The following ADGRL2 variants were observed in gnomAD, a reference collection of about 807,000 sequenced individuals.
ADGRL2 encodes the protein calcium-independent alpha-latrotoxin receptor 2.
A neutral mutation model predicts 157.4 loss-of-function variants in ADGRL2; 44 were observed. The ratio of observed to expected loss-of-function variants is 0.28; its 90% CI spans 0.22 to 0.36. The LOEUF is 0.36. Ranked by LOEUF, ADGRL2 falls within the 10% of genes least tolerant of loss-of-function variation. The pLI is 1.00. For missense variants in ADGRL2, 1,510 were observed against 1,768.9 expected, an observed-to-expected ratio of 0.85 and a Z score of 2.63; for synonymous variants, 585 against 624.7, an observed-to-expected ratio of 0.94 and a Z score of 0.95.
chr1:81,739,466 C>T (rs965271783), intron 1 of ADGRL2, among the ~76,000 whole-genome samples: 4 of 152,138 alleles, frequency 2.6e-5, no homozygotes, highest in African/African-American at 7.2e-5. Context: ...TCAGCTTACT[C>T]GAGAAAATGC....
intron 2 of ADGRL2, among the ~76,000 whole-genome samples, chr1:81,497,102 A>G (rs2078747028): frequency 6.6e-6 from 1 of 152,226 alleles, no homozygotes; most frequent in Non-Finnish European, 1.5e-5. Context: ...TGACTTATAT[A>G]GGTTCCTCCT....
intron 3 of ADGRL2, among the ~76,000 whole-genome samples, chr1:81,907,834 G>A (rs527884894): frequency 1.3e-5 from 2 of 152,096 alleles, no homozygotes; most frequent in East Asian, 1.9e-4. Context: ...GGCTTTTGGC[G>A]TTGTACATTT....
At chr1:81,344,284 A>G (rs1260168420) in intron 1 of ADGRL2, among the ~76,000 whole-genome samples, 2 of 152,192 alleles carry the variant, frequency 1.3e-5, no homozygotes, top group Admixed American at 1.3e-4. Flanking sequence ...CCATGCTGTG[A>G]GTATTTATAA....
intron 1 of ADGRL2, among the ~76,000 whole-genome samples, chr1:81,333,751 G>T (rs1297404130): frequency 2.1e-5 from 3 of 142,786 alleles, no homozygotes; most frequent in Non-Finnish European, 4.6e-5. Context: ...AGAGCTGGGG[G>T]GTTCCCTAAG....
chr1:81,849,698 A>T (rs956392841), intron 2 of ADGRL2, among the ~76,000 whole-genome samples: 2 of 151,884 alleles, frequency 1.3e-5, no homozygotes, highest in Admixed American at 1.3e-4. Context: ...TGTAATACTG[A>T]TAAGTATATA....
At chr1:81,847,576 C>G (rs1416856364) in intron 2 of ADGRL2, among the ~76,000 whole-genome samples, 1 of 151,854 alleles carries the variant, frequency 6.6e-6, no homozygotes, top group Non-Finnish European at 1.5e-5. Flanking sequence ...TGAAACTTTA[C>G]TGAACATTTT....
At chr1:81,421,092 A>C (rs2077116286) in intron 1 of ADGRL2, among the ~76,000 whole-genome samples, 1 of 152,212 alleles carries the variant, frequency 6.6e-6, no homozygotes, top group African/African-American at 2.4e-5. Flanking sequence ...AGTGGAACTA[A>C]AGCTCAACAT....
At chr1:81,950,896 C>A in intron 7 of ADGRL2, 122 bp from the exon 8 acceptor site, 1 of 668,514 alleles carries the variant, frequency 1.5e-6, no homozygotes. Flanking sequence ...CACTTATTGT[C>A]AAATACTTGC....
intron 1 of ADGRL2, among the ~76,000 whole-genome samples, chr1:81,423,531 G>A (rs1013452283): frequency 2.0e-5 from 3 of 152,196 alleles, no homozygotes; most frequent in African/African-American, 7.2e-5. Context: ...AAACAAGTCA[G>A]TCATGGGGAC....
chr1:81,948,166 G>A (rs1015569621), intron 6 of ADGRL2, among the ~76,000 whole-genome samples: 5 of 147,786 alleles, frequency 3.4e-5, no homozygotes, highest in African/African-American at 1.3e-4. Flanking sequence ...GCAGTGAGCC[G>A]AGACCACACC....
intron 1 of ADGRL2, among the ~76,000 whole-genome samples, chr1:81,727,791 A>G (rs1340011194): frequency 1.3e-5 from 2 of 150,626 alleles, no homozygotes; most frequent in Non-Finnish European, 3.0e-5. Context: ...ATGGCTGCAC[A>G]GTATTCCATT....
At chr1:81,559,001 A>G (rs2080378714) in intron 2 of ADGRL2, among the ~76,000 whole-genome samples, 2 of 152,116 alleles carry the variant, frequency 1.3e-5, no homozygotes, top group African/African-American at 4.8e-5. Context: ...GATGTTTACT[A>G]GTTTGGTGTT....
chr1:81,409,222 C>T (rs1453469346), intron 1 of ADGRL2, among the ~76,000 whole-genome samples: 1 of 152,064 alleles, frequency 6.6e-6, no homozygotes, highest in Non-Finnish European at 1.5e-5. Flanking sequence ...GGTGCATCCG[C>T]TACTAAAATA....
At chr1:81,946,748 G>A (rs776919561) in intron 6 of ADGRL2, among the ~76,000 whole-genome samples, 47 of 152,118 alleles carry the variant, frequency 3.1e-4, no homozygotes, top group Non-Finnish European at 6.3e-4. Flanking sequence ...AAAGAATGCT[G>A]TATAAAAGAT....
chr1:81,396,860 T>G (rs2076663575), intron 1 of ADGRL2, among the ~76,000 whole-genome samples: 4 of 152,238 alleles, frequency 2.6e-5, no homozygotes, highest in Non-Finnish European at 1.5e-5. Flanking sequence ...TTTCATGTGC[T>G]GCTGAATTTG....
chr1:81,333,379 C>A (rs920169032), intron 1 of ADGRL2, among the ~76,000 whole-genome samples: 3 of 151,392 alleles, frequency 2.0e-5, no homozygotes, highest in African/African-American at 7.3e-5. Flanking sequence ...ATGCTGGGCA[C>A]CTCCTTGACT....
At chr1:81,567,721 A>G (rs2080594746) in intron 2 of ADGRL2, among the ~76,000 whole-genome samples, 1 of 152,150 alleles carries the variant, frequency 6.6e-6, no homozygotes, top group Non-Finnish European at 1.5e-5. Context: ...AAAATGTTAA[A>G]ATGCTTTTTA....
At chr1:81,619,343 G>A (rs1042392757) in intron 3 of ADGRL2, among the ~76,000 whole-genome samples, 1 of 151,898 alleles carries the variant, frequency 6.6e-6, no homozygotes, top group African/African-American at 2.4e-5. Flanking sequence ...ATTGCCCTGG[G>A]CACTGACCCA....
chr1:81,666,327 T>C (rs1204648276), intron 3 of ADGRL2, among the ~76,000 whole-genome samples: 1 of 152,166 alleles, frequency 6.6e-6, no homozygotes, highest in Non-Finnish European at 1.5e-5. Flanking sequence ...CTCTGCACTT[T>C]TCCATGCCCC....
Sources: gnomAD v4.1 joint callset for allele counts (sites outside exome capture counted in the v4.1 genomes callset) on GRCh38, gnomAD v4.1.1 for gene constraint, MANE v1.5 for transcripts, NCBI Gene and HGNC (gene_info 2026-07-23, HGNC 2026-07-21) for gene names.